Variants in MAGEA4 observed in about 807,000 individuals in gnomAD.
MAGEA4 encodes the protein MAGE family member A4, also known as melanoma-associated antigen 4.
In MAGEA4, 1 loss-of-function variant was observed where a neutral mutation model predicts 13.7. The observed-to-expected ratio is 0.07, with a 90% confidence interval of 0.03 to 0.35. The LOEUF is 0.35. Ranked by LOEUF, MAGEA4 falls within the 10% of genes least tolerant of loss-of-function variation. The probability of loss-of-function intolerance (pLI) is 0.99; values close to 1 mark genes in which losing one functional copy is unlikely to be tolerated. For synonymous variants in MAGEA4, 132 were observed against 101.1 expected, an observed-to-expected ratio of 1.31 and a Z score of -1.83; for missense variants, 312 against 245.1, an observed-to-expected ratio of 1.27 and a Z score of -1.82.
chrX:151,923,152 T>G, intron 1 of MAGEA4, among the ~76,000 whole-genome samples: 1 of 111,968 alleles, frequency 8.9e-6, no homozygotes, highest in South Asian at 3.8e-4. Context: ...TTGATGGCAC[T>G]GAGGGACCGG....
In MAGEA4 at chrX:151,924,758, AGTAGTGGG is replaced by A. The variant is rs1228343788; in HGVS notation, c.*141_*148del. 3 of 596,792 alleles carry A rather than the reference AGTAGTGGG, an allele frequency of 5.0e-6. No homozygotes were observed. In the African/African-American group the frequency reaches 6.9e-5, roughly 14 times the overall value. The allele number at this position is 596,792 out of a possible 1,213,427, so 49.2% of individuals were successfully genotyped here. A position where few individuals can be genotyped will look rare whatever the true frequency, so the allele number is the denominator to read the frequency against. On this transcript the variant is annotated 3_prime_UTR_variant, in exon 3 of 3. Transcript: ENST00000276344. ...TTTGAAGAAAATAGTCAGTGTTCTT[AGTAGTGGG>A]TTTCTATTTTGTTGGATGACTTGGA...
In MAGEA4 at chrX:151,924,751, T is replaced by C. The variant is rs2124118108; in HGVS notation, c.*133T>C. On this transcript the variant is annotated 3_prime_UTR_variant, in exon 3 of 3. Transcript: ENST00000276344. ...CACTCTGTTTGAAGAAAATAGTCAG[T>C]GTTCTTAGTAGTGGGTTTCTATTTT... 1 of 658,291 alleles carries C rather than the reference T, an allele frequency of 1.5e-6. No homozygotes were observed. The highest frequency in any genetic ancestry group is 3.6e-5 in the East Asian group (1 of 27,804). 54.3% of individuals were successfully genotyped at this position (658,291 alleles called of 1,213,427 possible).
intron 1 of MAGEA4, among the ~76,000 whole-genome samples, chrX:151,921,377 C>T (rs1022027816): frequency 3.6e-5 from 4 of 112,283 alleles, no homozygotes; most frequent in Non-Finnish European, 7.5e-5. Flanking sequence ...TGAGGAGGCC[C>T]CCACCCAAGA....
intron 1 of MAGEA4, among the ~76,000 whole-genome samples, chrX:151,915,811 T>G (rs1386221169): frequency 4.6e-5 from 2 of 43,930 alleles, no homozygotes; most frequent in African/African-American, 1.3e-4. Flanking sequence ...GCTTGGGGTG[T>G]TTAGTGTAAG....
At chrX:151,920,145 T>C (rs1933355095) in intron 1 of MAGEA4, among the ~76,000 whole-genome samples, 2 of 108,363 alleles carry the variant, frequency 1.8e-5, no homozygotes, top group African/African-American at 6.8e-5. Context: ...CGTTTCTGCT[T>C]TCAACCCAGG....
intron 1 of MAGEA4, among the ~76,000 whole-genome samples, chrX:151,922,014 C>T (rs182300259): frequency 9.0e-6 from 1 of 111,564 alleles, no homozygotes; most frequent in Non-Finnish European, 1.9e-5. Flanking sequence ...TCAGTGGAGA[C>T]CTGGGCCCTG....
chrX:151,922,099 T>C (rs1933471691), intron 1 of MAGEA4, among the ~76,000 whole-genome samples: 1 of 110,898 alleles, frequency 9.0e-6, no homozygotes, highest in Non-Finnish European at 1.9e-5. Flanking sequence ...GAGAGGGCTA[T>C]GGTCTGAGGG....
intron 1 of MAGEA4, chrX:151,918,903 A>G: frequency 1.4e-6 from 1 of 730,691 alleles, no homozygotes; most frequent in Non-Finnish European, 1.6e-6. Context: ...TTCTCTTTCA[A>G]CCCAAGAAAG....
intron 1 of MAGEA4, chrX:151,913,683 G>A (rs907369430): frequency 2.1e-5 from 14 of 673,095 alleles, no homozygotes; most frequent in Non-Finnish European, 2.1e-5. Context: ...TGGGCCACCC[G>A]TGGGCGGACT....
intron 1 of MAGEA4, chrX:151,917,803 C>G (rs1246962417): frequency 9.5e-6 from 1 of 105,439 alleles, no homozygotes; most frequent in African/African-American, 3.5e-5. Context: ...GGGCGCCCAC[C>G]ACCCCACTGC....
chrX:151,919,138 T>G (rs2856382), intron 1 of MAGEA4: 721 of 688,286 alleles, frequency 1.0e-3, no homozygotes, highest in African/African-American at 1.6e-3. Flanking sequence ...ACCCGTGGGC[T>G]GACTTCTGAG....
chrX:151,923,854 C>G lies in MAGEA4; in HGVS notation c.190C>G (p.Gln64Glu). ...TGCTGCTGAGTCAGCAGGTCCTCCC[C>G]AGAGTCCTCAGGGAGCCTCTGCCTT... The part of the protein sequence containing the change: ...VPAAESAGPP[Q>E]SPQGASALPT... Residue 64 changes from glutamine (Q) to glutamate (E), a missense_variant, in exon 3 of 3, where the codon CAG becomes GAG. By Grantham distance (29) the Gln-to-Glu change is conservative. Transcript: ENST00000276344. The G allele has an allele frequency of 5.8e-6, 7 of 1,211,240 alleles. 1 individual carries two copies. In the South Asian group the frequency reaches 1.2e-4, roughly 21 times the overall value.
chrX:151,918,926 G>A (rs1933242453), intron 1 of MAGEA4: 23 of 745,066 alleles, frequency 3.1e-5, no homozygotes, highest in Non-Finnish European at 3.6e-5. Flanking sequence ...CCAGGGGCCC[G>A]GATGTGATGC....
chrX:151,921,143 G>A (rs926488479), intron 1 of MAGEA4, among the ~76,000 whole-genome samples: 26 of 112,058 alleles, frequency 2.3e-4, no homozygotes, highest in East Asian at 8.6e-4. Flanking sequence ...CCACAAATCC[G>A]CTGCCATTTC....
chrX:151,921,607 C>T (rs1035132068), intron 1 of MAGEA4, among the ~76,000 whole-genome samples: 2 of 112,308 alleles, frequency 1.8e-5, no homozygotes, highest in Non-Finnish European at 3.8e-5. Flanking sequence ...CCACCCCATC[C>T]GCATTCCAAC....
chrX:151,922,296 C>T (rs994857332), intron 1 of MAGEA4, among the ~76,000 whole-genome samples: 6 of 111,305 alleles, frequency 5.4e-5, no homozygotes, highest in African/African-American at 2.0e-4. Context: ...TTCACTTGTT[C>T]CACAGGCAGG....
chrX:151,922,505 CCTT>C (rs1172428558), intron 1 of MAGEA4, among the ~76,000 whole-genome samples: 6 of 111,186 alleles, frequency 5.4e-5, no homozygotes, highest in African/African-American at 2.0e-4. Context: ...GGATGTGGCT[CCTT>C]CTCATTTCTG....
In MAGEA4 at chrX:151,923,792, C is replaced by T. The variant is rs148498181; in HGVS notation, c.128C>T (p.Ser43Phe). The change falls in exon 3 of 3, where the codon TCC (serine) becomes TTC (phenylalanine). Residue 43 changes from serine (S) to phenylalanine (F), a missense_variant. Transcript: ENST00000276344. ...TEEQEAAVSSSSPLVPGTLEE... is the reference protein window; with the variant it reads ...TEEQEAAVSSFSPLVPGTLEE... ...GAGCAGGAGGCTGCTGTCTCCTCCT[C>T]CTCTCCTCTGGTCCCTGGCACCCTG... The T allele has an allele frequency of 1.1e-5, 13 of 1,207,436 alleles. No individual in the cohort carries two copies. Among genetic ancestry groups the T allele is most frequent in the Non-Finnish European group, 1.5e-5 (13 of 894,176 alleles).
chrX:151,912,931 G>A lies in MAGEA4; in HGVS notation c.-176G>A, dbSNP rs1290820568. 4.3e-5 allele frequency: 5 copies of A among 116,369 alleles called. No individual in the cohort carries two copies. Among genetic ancestry groups the A allele is most frequent in the Non-Finnish European group, 8.5e-5 (5 of 58,628 alleles). 9.6% of individuals were successfully genotyped at this position (116,369 alleles called of 1,213,427 possible). A position where few individuals can be genotyped will look rare whatever the true frequency, so the allele number is the denominator to read the frequency against. ...TGCGTCTGACTCGCAGCTTGAGACTGGCGGAGGGAAGCCCGCCCAGGCTCT... is the reference window on the plus strand; with the variant it reads ...TGCGTCTGACTCGCAGCTTGAGACTAGCGGAGGGAAGCCCGCCCAGGCTCT... On this transcript the variant is annotated 5_prime_UTR_variant, in exon 1 of 3. Coordinates refer to ENST00000276344, the MANE Select transcript of MAGEA4 (RefSeq NM_001011548.1).
Sources: gnomAD v4.1 joint callset for allele counts (sites outside exome capture counted in the v4.1 genomes callset) on GRCh38, gnomAD v4.1.1 for gene constraint, MANE v1.5 for transcripts, NCBI Gene and HGNC (gene_info 2026-07-23, HGNC 2026-07-21) for gene names.